The following CHPF variants were observed in gnomAD, a reference collection of about 807,000 sequenced individuals.
CHPF encodes chondroitin polymerizing factor, non-catalytic subunit.
Under a neutral mutation model 55.1 loss-of-function variants are expected in CHPF, and 34 were observed. The observed-to-expected ratio is 0.62, with a 90% confidence interval of 0.47 to 0.82. The LOEUF is 0.82. Among genes scored for constraint, CHPF ranks in the 40% least tolerant of loss-of-function variants. CHPF has a pLI of 0.00. For synonymous variants in CHPF, 489 were observed against 496.6 expected (o/e 0.98, Z 0.20); for missense variants, 961 against 1,106.1 (o/e 0.87, Z 1.86).
rs1559124947 is a variant in CHPF at position 219,543,312 on chromosome 2, GC to G, written c.226del (p.Ala76ProfsTer49). On this transcript the variant is annotated frameshift_variant, in exon 1 of 4. Transcript: ENST00000243776. LOFTEE classifies it high-confidence loss of function. ...CCAATTCTCCCCGGCGCCTTCGCCG[GC>G]CCCGGGCTTCTCGCGCTCCGCTCCG... ...QPGAEREKPG[A>X]GEGAGENWEP... 6.4e-7 allele frequency: 1 copy of G among 1,572,576 alleles called. No homozygotes were observed. Among genetic ancestry groups the G allele is most frequent in the African/African-American group, 1.4e-5 (1 of 71,360 alleles).
chr2:219,539,185 A>C lies in CHPF; in HGVS notation c.*198T>G. The C allele has an allele frequency of 1.7e-6, 1 of 580,672 alleles. No homozygotes were observed. The highest frequency in any genetic ancestry group is 3.0e-6 in the Non-Finnish European group (1 of 330,626). 36.0% of individuals were successfully genotyped at this position (580,672 alleles called of 1,614,324 possible). On this transcript the variant is annotated 3_prime_UTR_variant, in exon 4 of 4. Coordinates refer to ENST00000243776, the MANE Select transcript of CHPF (RefSeq NM_024536.6). ...CAGGGAAACTGGGTTTGGGATGAGA[A>C]GTGGGTGGCTCTGGGGGCACGTCCC... is the stretch of plus-strand genomic sequence containing the variant.
chr2:219,540,468 G>T lies in CHPF; in HGVS notation c.1243C>A (p.Arg415Ser). The change falls in exon 4 of 4, where the codon CGT becomes AGT. Residue 415 changes from arginine (R) to serine (S), a missense_variant. Arg to Ser is a moderately radical substitution (Grantham distance 110, BLOSUM62 -1). Transcript: ENST00000243776. ...CADGSPRCPL[R>S]GADRADVADV... Reference sequence around the variant, plus strand: ...GCCACATCAGCCCGGTCAGCCCCACGCAGTGGGCAGCGGGGTGAGCCATCG... The same window carrying T: ...GCCACATCAGCCCGGTCAGCCCCACTCAGTGGGCAGCGGGGTGAGCCATCG... 6.2e-7 allele frequency: 1 copy of T among 1,613,922 alleles called. No individual in the cohort carries two copies. Among genetic ancestry groups the T allele is most frequent in the Non-Finnish European group, 8.5e-7 (1 of 1,179,986 alleles).
Position 219,539,180 on chromosome 2 carries a change from T to G in CHPF, c.*203A>C. The G allele has an allele frequency of 1.4e-5, 8 of 558,096 alleles. No homozygotes were observed. Among genetic ancestry groups the G allele is most frequent in the Admixed American group, 3.3e-5 (1 of 30,448 alleles). 34.6% of individuals were successfully genotyped at this position (558,096 alleles called of 1,614,324 possible). A position where few individuals can be genotyped will look rare whatever the true frequency, so the allele number is the denominator to read the frequency against. Reference sequence around the variant, plus strand: ...GGGGGCAGGGAAACTGGGTTTGGGATGAGAAGTGGGTGGCTCTGGGGGCAC... The same window carrying G: ...GGGGGCAGGGAAACTGGGTTTGGGAGGAGAAGTGGGTGGCTCTGGGGGCAC... On this transcript the variant is annotated 3_prime_UTR_variant, in exon 4 of 4. Transcript: ENST00000243776.
chr2:219,543,719 T>TC lies in CHPF; in HGVS notation c.-182dup. On this transcript the variant is annotated 5_prime_UTR_variant, in exon 1 of 4. Transcript: ENST00000243776. ...CGAATCCCCGGAGCCGCGCCTCGATTCCCCTCCAGCAGCTGCTCTGGGCTG... is the reference window on the plus strand; with the variant it reads ...CGAATCCCCGGAGCCGCGCCTCGATTCCCCCTCCAGCAGCTGCTCTGGGCTG... 1 of 442,234 alleles carries TC rather than the reference T, an allele frequency of 2.3e-6. No homozygotes were observed. The highest frequency in any genetic ancestry group is 6.5e-5 in the South Asian group (1 of 15,334). The allele number at this position is 442,234 out of a possible 1,614,324, so 27.4% of individuals were successfully genotyped here. A position where few individuals can be genotyped will look rare whatever the true frequency, so the allele number is the denominator to read the frequency against.
rs1695298714 is a variant in CHPF at position 219,542,517 on chromosome 2, T to C, written c.315-328A>G. Among the ~76,000 whole-genome samples the C allele has an allele frequency of 2.6e-5, 4 of 152,220 alleles. No homozygotes were observed. In the South Asian group the frequency reaches 8.3e-4, roughly 31 times the overall value. On this transcript the variant is annotated intron_variant, in intron 1 of 3. Transcript: ENST00000243776. Reference sequence around the variant, plus strand: ...GCCATCTGTAAAATGGGACTGATTATATCTGTTTAAAGCACCCAGCCAAAC... The same window carrying C: ...GCCATCTGTAAAATGGGACTGATTACATCTGTTTAAAGCACCCAGCCAAAC...
In CHPF at chr2:219,538,980, C is replaced by A. The variant is rs924587621; in HGVS notation, c.*403G>T. 2 of 178,720 alleles carry A rather than the reference C, an allele frequency of 1.1e-5. No individual in the cohort carries two copies. Among genetic ancestry groups the A allele is most frequent in the African/African-American group, 2.4e-5 (1 of 42,300 alleles). The allele number at this position is 178,720 out of a possible 1,614,324, so 11.1% of individuals were successfully genotyped here. On this transcript the variant is annotated 3_prime_UTR_variant, in exon 4 of 4. Coordinates refer to ENST00000243776, the MANE Select transcript of CHPF (RefSeq NM_024536.6). ...CCACACTTGGCCAGTTTATTAAAGG[C>A]AGGGAGCTTCGGCAGGGTCCAAAAG...
chr2:219,541,434 C>A, intron 2 of CHPF, 182 bp downstream of exon 2: 1 of 583,982 alleles, frequency 1.7e-6, no homozygotes, highest in Non-Finnish European at 2.9e-6. Context: ...TAATTATTTC[C>A]ATTGGCACAA....
At position 219,539,613 on chromosome 2, in the gene CHPF, C is replaced by T. The variant is rs755993200; in HGVS notation, c.2098G>A (p.Glu700Lys). The T allele has an allele frequency of 4.3e-4, 686 of 1,613,760 alleles. No homozygotes were observed. Among genetic ancestry groups the T allele is most frequent in the Non-Finnish European group, 5.5e-4 (651 of 1,179,968 alleles). ...TACACATCCAGGCTCTCCAGCAGCT[C>T]CTCTTCTTGTTCTGAGGCTGCCGCC... ...RLAAASEQEE[E>K]LLESLDVYEL... Residue 700 changes from glutamate (E) to lysine (K), a missense_variant, in exon 4 of 4, where the codon GAG (glutamate) becomes AAG (lysine). By Grantham distance (56) the Glu-to-Lys change is moderately conservative. This residue lies in a region of CHPF where 936 missense variants were observed against 1,058.4 expected (regional missense o/e 0.88). Transcript: ENST00000243776.
At position 219,539,736 on chromosome 2, in the gene CHPF, G is replaced by A. The variant is rs140513337; in HGVS notation, c.1975C>T (p.Pro659Ser). Residue 659 changes from proline (P) to serine (S), a missense_variant, in exon 4 of 4, where the codon CCC (proline) becomes TCC (serine). Pro to Ser is a moderately conservative substitution (Grantham distance 74). Around this residue, in one of 3 missense-constraint regions of CHPF, gnomAD observed 936 missense variants for 1,058.4 expected, o/e 0.88. Transcript: ENST00000243776. ...CCAGTGTCACGGCCCAGCTCTGGGG[G>A]CCCAGGCCCTTGTGGTGGGGCCACA... is the stretch of plus-strand genomic sequence containing the variant. ...PAVAPPQGPG[P>S]PELGRDTGRF... 188 of 1,613,550 alleles carry A rather than the reference G, an allele frequency of 1.2e-4. 1 individual carries two copies. In the East Asian group the frequency reaches 3.0e-3, roughly 26 times the overall value.
Position 219,540,258 on chromosome 2 carries a change from C to T in CHPF, c.1453G>A (p.Val485Met), listed in dbSNP as rs1355210030. The T allele has an allele frequency of 2.5e-6, 4 of 1,613,682 alleles. No homozygotes were observed. The African/African-American group carries it at 5.3e-5, about 22-fold the overall frequency. The change falls in exon 4 of 4, where the codon GTG becomes ATG. Residue 485 changes from valine to methionine, a missense_variant. Physicochemically the swap from Val to Met is conservative, Grantham distance 21. Coordinates refer to ENST00000243776, the MANE Select transcript of CHPF (RefSeq NM_024536.6). ...QGGRRPLTRR[V>M]QLLRPLSRVE... is the part of the protein sequence containing the mutation. Reference sequence around the variant, plus strand: ...CGGCTCAGCGGCCGGAGCAGCTGCACTCGGCGAGTGAGGGGCCGGCGGCCT... The same window carrying T: ...CGGCTCAGCGGCCGGAGCAGCTGCATTCGGCGAGTGAGGGGCCGGCGGCCT...
rs202028682 is a variant in CHPF, at chr2:219,539,432, G to T, written c.2279C>A (p.Thr760Asn). ...QSVLEGLGSR[T>N]QLAMLLFEQE... The stretch of plus-strand genomic sequence containing the variant: ...TTCAAAGAGTAGCATGGCCAGCTGG[G>T]TTCGGGAGCCGAGGCCCTCAAGCAC... Residue 760 changes from threonine (T) to asparagine (N), a missense_variant, in exon 4 of 4, where the codon ACC becomes AAC. Coordinates refer to ENST00000243776, the MANE Select transcript of CHPF (RefSeq NM_024536.6). 37 of 1,611,970 alleles carry T rather than the reference G, an allele frequency of 2.3e-5. No homozygotes were observed. The highest frequency in any genetic ancestry group is 3.4e-6 in the Non-Finnish European group (4 of 1,178,912).
rs1043833 is a variant in CHPF, at chr2:219,539,926, C to T, written c.1785G>A (p.Leu595=). The T allele has an allele frequency of 0.44, 710,774 of 1,613,542 alleles. 162,353 individuals are homozygous for T. The highest frequency in any genetic ancestry group is 0.49 in the Admixed American group (29,159 of 60,022). The change falls in exon 4 of 4, where the codon CTG becomes CTA. Residue 595 remains leucine (L), a synonymous_variant. Transcript: ENST00000243776. The stretch of plus-strand genomic sequence containing the variant: ...TCTTGGAGAGTAGATCCATGAGGCG[C>T]AGTGGTGAGGGTGCGGCTGTCTGCA... ...LSVQTAAPSP[L]RLMDLLSKKH...
chr2:219,540,004 G>A lies in CHPF; in HGVS notation c.1707C>T (p.His569=), dbSNP rs1043832. Residue 569 remains histidine (H), a synonymous_variant, in exon 4 of 4, where the codon CAC becomes CAT. Coordinates refer to ENST00000243776, the MANE Select transcript of CHPF (RefSeq NM_024536.6). ...GGAAACGCCGCTCCAGCTCTGCCAC[G>A]TGGGCCTTGACAGGTGCGAAGACAT... ...HADVFAPVKA[H]VAELERRFPG... 0.44 allele frequency: 710,644 copies of A among 1,613,344 alleles called. 162,310 individuals are homozygous for A. The highest frequency in any genetic ancestry group is 0.49 in the Admixed American group (29,149 of 59,970).
Position 219,539,797 on chromosome 2 carries a change from G to T in CHPF, c.1914C>A (p.Ala638=). 1 of 1,613,518 alleles carries T rather than the reference G, an allele frequency of 6.2e-7. No individual in the cohort carries two copies. The highest frequency in any genetic ancestry group is 1.6e-4 in the Middle Eastern group (1 of 6,062). The part of the protein sequence containing the change: ...CRMHAISGWQ[A]FFPMHFQAFH... ...AGGCTTGGAAATGCATGGGAAAGAA[G>T]GCCTGCCAGCCGGAGATGGCATGCA... The change falls in exon 4 of 4, where the codon GCC becomes GCA. Residue 638 remains alanine (A), a synonymous_variant. Coordinates refer to ENST00000243776, the MANE Select transcript of CHPF (RefSeq NM_024536.6).
chr2:219,543,747 C>T lies in CHPF; in HGVS notation c.-209G>A. On this transcript the variant is annotated 5_prime_UTR_variant, in exon 1 of 4. Coordinates refer to ENST00000243776, the MANE Select transcript of CHPF (RefSeq NM_024536.6). Reference sequence around the variant, plus strand: ...CCTCCAGCAGCTGCTCTGGGCTGCGCAGGGTTCTTGCGCTCGGCACTGGAG... The same window carrying T: ...CCTCCAGCAGCTGCTCTGGGCTGCGTAGGGTTCTTGCGCTCGGCACTGGAG... 1 of 455,990 alleles carries T rather than the reference C, an allele frequency of 2.2e-6. No individual in the cohort carries two copies. Among genetic ancestry groups the T allele is most frequent in the Non-Finnish European group, 3.8e-6 (1 of 261,358 alleles). The allele number at this position is 455,990 out of a possible 1,614,324, so 28.2% of individuals were successfully genotyped here.
Position 219,541,062 on chromosome 2 carries a change from A to C in CHPF, c.952T>G (p.Phe318Val), listed in dbSNP as rs1695260002. ...GGGTGGGCTGTCAGGGCACTTCGGA[A>C]ATGAGGGTCCCCCTCCTGCACTGGC... ...GEPVQEGDPH[F>V]RSALTAHPVR... Residue 318 changes from phenylalanine (F) to valine (V), a missense_variant, in exon 3 of 4, where the codon TTC (phenylalanine) becomes GTC (valine). This residue lies in a region of CHPF where 936 missense variants were observed against 1,058.4 expected (regional missense o/e 0.88). Coordinates refer to ENST00000243776, the MANE Select transcript of CHPF (RefSeq NM_024536.6). 6.2e-7 allele frequency: 1 copy of C among 1,613,356 alleles called. No individual in the cohort carries two copies. Among genetic ancestry groups the C allele is most frequent in the African/African-American group, 1.3e-5 (1 of 74,890 alleles).
At position 219,542,083 on chromosome 2, in the gene CHPF, G is replaced by C. The variant is rs1203975405; in HGVS notation, c.421C>G (p.Leu141Val). 1 of 1,573,236 alleles carries C rather than the reference G, an allele frequency of 6.4e-7. No homozygotes were observed. Among genetic ancestry groups the C allele is most frequent in the Non-Finnish European group, 8.6e-7 (1 of 1,165,384 alleles). ...PTLGVAVNRT[L>V]GHRLERVVFL... ...ACCACACGCTCCAGCCGGTGCCCCAGCGTGCGGTTCACGGCCACGCCCAGC... is the reference window on the plus strand; with the variant it reads ...ACCACACGCTCCAGCCGGTGCCCCACCGTGCGGTTCACGGCCACGCCCAGC... The change falls in exon 2 of 4, where the codon CTG becomes GTG. Residue 141 changes from leucine to valine, a missense_variant. This residue lies in a region of CHPF where 936 missense variants were observed against 1,058.4 expected (regional missense o/e 0.88). Coordinates refer to ENST00000243776, the MANE Select transcript of CHPF (RefSeq NM_024536.6).
At position 219,539,611 on chromosome 2, in the gene CHPF, C is replaced by T. The variant is rs767271435; in HGVS notation, c.2100G>A (p.Glu700=). ...CGTACACATCCAGGCTCTCCAGCAG[C>T]TCCTCTTCTTGTTCTGAGGCTGCCG... ...RLAAASEQEE[E]LLESLDVYEL... is the part of the protein sequence containing the mutation. The change falls in exon 4 of 4, where the codon GAG becomes GAA. Residue 700 remains glutamate, a synonymous_variant. Transcript: ENST00000243776. The T allele has an allele frequency of 7.4e-6, 12 of 1,613,776 alleles. No individual in the cohort carries two copies. The highest frequency in any genetic ancestry group is 5.5e-5 in the South Asian group (5 of 91,058).
chr2:219,540,448 A>G lies in CHPF; in HGVS notation c.1263T>C (p.Asp421=), dbSNP rs1480323442. 2 of 1,613,824 alleles carry G rather than the reference A, an allele frequency of 1.2e-6. No homozygotes were observed. Among genetic ancestry groups the G allele is most frequent in the Non-Finnish European group, 1.7e-6 (2 of 1,179,976 alleles). Residue 421 remains aspartate, a synonymous_variant, in exon 4 of 4, where the codon GAT becomes GAC. Transcript: ENST00000243776. ...GAGCTGTCCCCAGAACATCGGCCAC[A>G]TCAGCCCGGTCAGCCCCACGCAGTG... The part of the protein sequence containing the change: ...RCPLRGADRA[D]VADVLGTALE...
Sources: gnomAD v4.1 joint callset for allele counts (sites outside exome capture counted in the v4.1 genomes callset) on GRCh38, gnomAD v4.1.1 for gene constraint, gnomAD v4.1.1 regional missense constraint, MANE v1.5 for transcripts, NCBI Gene and HGNC (gene_info 2026-07-23, HGNC 2026-07-21) for gene names.